The following MAGI2 variants were observed in gnomAD, a reference collection of about 807,000 sequenced individuals.
The protein encoded by MAGI2 is membrane-associated guanylate kinase, WW and PDZ domain-containing protein 2.
A neutral mutation model predicts 133.3 loss-of-function variants in MAGI2; 35 were observed. The ratio of observed to expected loss-of-function variants is 0.26; its 90% confidence interval spans 0.20 to 0.35. The LOEUF (loss-of-function observed/expected upper bound fraction) is 0.35. MAGI2 is among the 10% of genes least tolerant of loss of function. The pLI is 1.00. For synonymous variants in MAGI2, 729 were observed against 710.6 expected, an observed-to-expected ratio of 1.03 and a Z score of -0.41; for missense variants, 1,636 against 1,863.4, an observed-to-expected ratio of 0.88 and a Z score of 2.25.
intron 1 of MAGI2, among the ~76,000 whole-genome samples, chr7:79,364,334 A>C (rs1842554909): frequency 6.6e-6 from 1 of 152,020 alleles, no homozygotes. Context: ...AAATTGGTAA[A>C]AGAGTAGATT....
chr7:78,795,446 A>G (rs12705800), intron 2 of MAGI2, among the ~76,000 whole-genome samples: 46,163 of 151,894 alleles, frequency 0.3, 8,127 homozygotes, highest in East Asian at 0.52. Flanking sequence ...CAAGAAAGTA[A>G]TTCCATTTAT....
intron 1 of MAGI2, among the ~76,000 whole-genome samples, chr7:79,291,411 A>G (rs754732373): frequency 2.9e-4 from 44 of 152,078 alleles, no homozygotes; most frequent in Admixed American, 2.0e-4. Flanking sequence ...TATGCTTTCA[A>G]TTTCTTTTGT....
intron 1 of MAGI2, among the ~76,000 whole-genome samples, chr7:79,214,872 A>G (rs1467414481): frequency 6.9e-6 from 1 of 144,910 alleles, no homozygotes; most frequent in Non-Finnish European, 1.5e-5. Flanking sequence ...TATATTTATA[A>G]ATTTCAAAAT....
intron 2 of MAGI2, among the ~76,000 whole-genome samples, chr7:78,800,328 AT>A (rs899706840): frequency 6.6e-6 from 1 of 152,106 alleles, no homozygotes; most frequent in African/African-American, 2.4e-5. Context: ...GGGAGGATGA[AT>A]TGTGATCCAC....
At chr7:78,770,515 C>G (rs1825475819) in intron 2 of MAGI2, among the ~76,000 whole-genome samples, 1 of 152,214 alleles carries the variant, frequency 6.6e-6, no homozygotes, top group African/African-American at 2.4e-5. Flanking sequence ...TTCACAATAA[C>G]CTAATCATGC....
chr7:78,844,594 C>A (rs959167511), intron 2 of MAGI2, among the ~76,000 whole-genome samples: 8 of 151,904 alleles, frequency 5.3e-5, no homozygotes, highest in African/African-American at 1.9e-4. Context: ...CTGGAATAGG[C>A]AAATCCATAG....
chr7:78,837,760 G>C (rs371542990), intron 2 of MAGI2, among the ~76,000 whole-genome samples: 1 of 152,092 alleles, frequency 6.6e-6, no homozygotes, highest in African/African-American at 2.4e-5. Context: ...TAATGGAACT[G>C]AATTTTATGA....
chr7:79,354,126 T>C (rs1166224414), intron 1 of MAGI2: 2 of 152,270 alleles, frequency 1.3e-5, no homozygotes, highest in East Asian at 3.9e-4. Flanking sequence ...GACCTTGAGC[T>C]ACCAGCAAAG....
chr7:78,472,541 G>A lies in MAGI2; in HGVS notation c.1045+17220C>T, dbSNP rs139141404. On this transcript the variant is annotated intron_variant, in intron 6 of 21. Transcript: ENST00000354212. ...GCACATTGCCCTTGAAGAAAGCTAA[G>A]CATTTAATAAGTTGAAGACACTTTT... Among the ~76,000 whole-genome samples, 914 of 152,112 alleles carry A rather than the reference G, an allele frequency of 6.0e-3. 30 individuals are homozygous for A. Among genetic ancestry groups the A allele is most frequent in the Admixed American group, 0.045 (686 of 15,244 alleles).
chr7:78,644,362 T>C (rs990456078), intron 2 of MAGI2, among the ~76,000 whole-genome samples: 1 of 152,146 alleles, frequency 6.6e-6, no homozygotes, highest in African/African-American at 2.4e-5. Context: ...ATATACACTA[T>C]TTTTAATTGC....
chr7:78,820,586 G>A (rs929693731), intron 2 of MAGI2, among the ~76,000 whole-genome samples: 1 of 151,860 alleles, frequency 6.6e-6, no homozygotes, highest in African/African-American at 2.4e-5. Context: ...AAAAGAAAAT[G>A]TTAAAAACTA....
chr7:79,135,985 A>AAGAGAG (rs1562928620), intron 1 of MAGI2, among the ~76,000 whole-genome samples: 2 of 42,034 alleles, frequency 4.8e-5, no homozygotes, highest in African/African-American at 9.6e-5. Context: ...GAAAGAAAGA[A>AAGAGAG]AGAAAGAAAG....
At chr7:78,855,614 A>G (rs141650299) in intron 2 of MAGI2, among the ~76,000 whole-genome samples, 9,564 of 152,272 alleles carry the variant, frequency 0.063, 371 homozygotes, top group Middle Eastern at 0.11. Flanking sequence ...ATAGTATTCC[A>G]TGGTGTATAT....
chr7:78,668,959 G>A (rs1395443217), intron 2 of MAGI2, among the ~76,000 whole-genome samples: 1 of 152,042 alleles, frequency 6.6e-6, no homozygotes, highest in African/African-American at 2.4e-5. Context: ...ATGCCCACAA[G>A]AGAAAGAAGG....
chr7:79,098,352 T>G (rs1328504138), intron 1 of MAGI2, among the ~76,000 whole-genome samples: 1 of 152,216 alleles, frequency 6.6e-6, no homozygotes, highest in African/African-American at 2.4e-5. Flanking sequence ...AATACTGTTA[T>G]TTTACATTTC....
chr7:78,894,568 C>T (rs984775564), intron 2 of MAGI2, among the ~76,000 whole-genome samples: 7 of 152,034 alleles, frequency 4.6e-5, no homozygotes, highest in African/African-American at 1.7e-4. Flanking sequence ...AATGGTAACA[C>T]AATTTATAAG....
intron 21 of MAGI2, among the ~76,000 whole-genome samples, chr7:78,062,253 C>T (rs1339373277): frequency 9.9e-5 from 15 of 152,184 alleles, no homozygotes; most frequent in Admixed American, 9.2e-4. Flanking sequence ...TCTAGTTATC[C>T]GAGGTGGGTG....
chr7:78,156,109 C>G (rs541898772), intron 16 of MAGI2, among the ~76,000 whole-genome samples: 1 of 152,210 alleles, frequency 6.6e-6, no homozygotes, highest in Admixed American at 6.5e-5. Context: ...CGATGATTTC[C>G]ATTACTTTTA....
intron 2 of MAGI2, among the ~76,000 whole-genome samples, chr7:78,768,687 T>C (rs945681602): frequency 2.0e-5 from 3 of 152,234 alleles, no homozygotes; most frequent in Non-Finnish European, 4.4e-5. Context: ...TGACTCCATG[T>C]CATTTTGCAG....
Sources: gnomAD v4.1 joint callset for allele counts (sites outside exome capture counted in the v4.1 genomes callset) on GRCh38, gnomAD v4.1.1 for gene constraint, MANE v1.5 for transcripts, NCBI Gene and HGNC (gene_info 2026-07-23, HGNC 2026-07-21) for gene names.